The following MEOX2 variants were observed in gnomAD, a reference collection of about 807,000 sequenced individuals.
The protein encoded by MEOX2 is homeobox protein MOX-2.
In MEOX2, 11 loss-of-function variants were observed where a neutral mutation model predicts 27.0. That is an observed-to-expected ratio of 0.41 (90% CI 0.26 to 0.68). The LOEUF is 0.68. Among genes scored for constraint, MEOX2 ranks in the 30% least tolerant of loss-of-function variants. MEOX2 has a pLI of 0.33. For synonymous variants in MEOX2, 189 were observed against 155.4 expected (o/e 1.22, Z -1.61); for missense variants, 436 against 385.4 (o/e 1.13, Z -1.10).
chr7:15,640,975 G>C (rs1297736014), intron 1 of MEOX2, among the ~76,000 whole-genome samples: 2 of 151,950 alleles, frequency 1.3e-5, no homozygotes, highest in Admixed American at 1.3e-4. Flanking sequence ...AGAGATATTG[G>C]CTTATGATTT....
intron 1 of MEOX2, among the ~76,000 whole-genome samples, chr7:15,671,006 G>C (rs1470969939): frequency 1.3e-5 from 2 of 152,160 alleles, no homozygotes; most frequent in Admixed American, 1.3e-4. Context: ...CTATGAGGCA[G>C]TAGTGGGTTG....
At chr7:15,684,863 A>G (rs1182116902) in intron 1 of MEOX2, among the ~76,000 whole-genome samples, 1 of 152,272 alleles carries the variant, frequency 6.6e-6, no homozygotes, top group Non-Finnish European at 1.5e-5. Flanking sequence ...AATTTTATAA[A>G]AATACAGGTA....
rs550510516 is a variant in MEOX2, at chr7:15,665,228, T to C, written c.517+20658A>G. 2.4e-3 allele frequency among the ~76,000 whole-genome samples: 370 copies of C among 152,248 alleles called. 5 individuals are homozygous for C. The highest frequency in any genetic ancestry group is 4.8e-3 in the East Asian group (25 of 5,176). ...ATCTATATGATTTCCTCCAGATACATTGCCAGAATAACCCAGGGAAAATGA... is the reference window on the plus strand; with the variant it reads ...ATCTATATGATTTCCTCCAGATACACTGCCAGAATAACCCAGGGAAAATGA... On this transcript the variant is annotated intron_variant, in intron 1 of 2. Transcript: ENST00000262041.
intron 1 of MEOX2, among the ~76,000 whole-genome samples, chr7:15,675,602 C>T (rs1167071908): frequency 6.6e-6 from 1 of 152,234 alleles, no homozygotes; most frequent in African/African-American, 2.4e-5. Context: ...CTTCTCTGGG[C>T]ACATTCCCTC....
chr7:15,624,900 C>T (rs1781275444), intron 2 of MEOX2, among the ~76,000 whole-genome samples: 1 of 152,162 alleles, frequency 6.6e-6, no homozygotes, highest in Non-Finnish European at 1.5e-5. Context: ...CTTTACCAAG[C>T]TCCTGAAGTC....
At chr7:15,632,938 G>A (rs1378726426) in intron 1 of MEOX2, among the ~76,000 whole-genome samples, 1 of 151,904 alleles carries the variant, frequency 6.6e-6, no homozygotes, top group African/African-American at 2.4e-5. Flanking sequence ...CTTCTCAAAG[G>A]TCATCATTTG....
intron 1 of MEOX2, chr7:15,680,822 A>G (rs1435021234): frequency 6.6e-6 from 1 of 151,828 alleles, no homozygotes; most frequent in East Asian, 1.9e-4. Context: ...TCAATTTTTA[A>G]TCTGTGGACT....
intron 1 of MEOX2, among the ~76,000 whole-genome samples, chr7:15,648,491 A>T (rs986293554): frequency 5.3e-5 from 8 of 152,048 alleles, no homozygotes; most frequent in Non-Finnish European, 1.2e-4. Flanking sequence ...CTGTATAATC[A>T]CTGCTGGGAT....
intron 1 of MEOX2, among the ~76,000 whole-genome samples, chr7:15,678,612 T>G (rs897112342): frequency 1.3e-5 from 2 of 152,228 alleles, no homozygotes; most frequent in African/African-American, 4.8e-5. Context: ...ATCCAAATGT[T>G]TACTGTGCAG....
intron 1 of MEOX2, chr7:15,680,469 A>T (rs1782275222): frequency 6.6e-6 from 1 of 152,000 alleles, no homozygotes; most frequent in East Asian, 1.9e-4. Flanking sequence ...ATTAAAACAC[A>T]TAAAATATTC....
At chr7:15,660,839 T>C (rs374905321) in intron 1 of MEOX2, among the ~76,000 whole-genome samples, 2 of 151,550 alleles carry the variant, frequency 1.3e-5, no homozygotes, top group African/African-American at 4.9e-5. Context: ...CTGGCCAACA[T>C]GGTGAAATCC....
chr7:15,686,204 C>T lies in MEOX2; in HGVS notation c.199G>A (p.Gly67Arg), dbSNP rs1385368189. The T allele has an allele frequency of 4.4e-6, 7 of 1,606,634 alleles. No individual in the cohort carries two copies. Among genetic ancestry groups the T allele is most frequent in the Non-Finnish European group, 5.9e-6 (7 of 1,176,478 alleles). ...TGGTGGTGGTGGTGGTGGTGGTGCC[C>T]CCTGTGATGCTGGCTGGCAAACATG... is the stretch of plus-strand genomic sequence containing the variant. ...EGMFASQHHR[G>R]HHHHHHHHHH... Residue 67 changes from glycine to arginine, a missense_variant, in exon 1 of 3, where the codon GGG (glycine) becomes AGG (arginine). By Grantham distance (125) the Gly-to-Arg change is moderately radical. Transcript: ENST00000262041.
chr7:15,620,942 C>G (rs753622755), intron 2 of MEOX2, among the ~76,000 whole-genome samples: 6 of 136,864 alleles, frequency 4.4e-5, no homozygotes, highest in Non-Finnish European at 6.2e-5. Context: ...AGCCTTAACT[C>G]TATAAAAATG....
At chr7:15,652,081 A>G (rs893271741) in intron 1 of MEOX2, among the ~76,000 whole-genome samples, 4 of 152,080 alleles carry the variant, frequency 2.6e-5, no homozygotes, top group African/African-American at 9.7e-5. Context: ...ATAATCTTTT[A>G]AGATAATAGG....
intron 2 of MEOX2, among the ~76,000 whole-genome samples, chr7:15,626,352 A>C (rs563759633): frequency 1.3e-5 from 2 of 152,206 alleles, no homozygotes; most frequent in Admixed American, 1.3e-4. Flanking sequence ...ACTGCAACTT[A>C]TCATGACCTA....
chr7:15,668,265 C>T (rs1249542463), intron 1 of MEOX2: 4 of 152,318 alleles, frequency 2.6e-5, no homozygotes, highest in Admixed American at 2.6e-4. Flanking sequence ...AACTGAAGCC[C>T]TTGATGATGA....
chr7:15,649,013 C>A (rs919320272), intron 1 of MEOX2, among the ~76,000 whole-genome samples: 1 of 152,112 alleles, frequency 6.6e-6, no homozygotes, highest in East Asian at 1.9e-4. Flanking sequence ...TCTGGGAGGC[C>A]CTCCCACAAC....
intron 1 of MEOX2, among the ~76,000 whole-genome samples, chr7:15,677,930 T>G (rs909477556): frequency 6.6e-6 from 1 of 152,180 alleles, no homozygotes; most frequent in Non-Finnish European, 1.5e-5. Flanking sequence ...CATCTGGGTA[T>G]TCTAGAAAAT....
At chr7:15,678,293 T>C (rs1437251084) in intron 1 of MEOX2, among the ~76,000 whole-genome samples, 1 of 152,220 alleles carries the variant, frequency 6.6e-6, no homozygotes, top group Non-Finnish European at 1.5e-5. Flanking sequence ...AAATAAGACA[T>C]CACTTGATTC....
Sources: gnomAD v4.1 joint callset for allele counts (sites outside exome capture counted in the v4.1 genomes callset) on GRCh38, gnomAD v4.1.1 for gene constraint, MANE v1.5 for transcripts, NCBI Gene and HGNC (gene_info 2026-07-23, HGNC 2026-07-21) for gene names.